Variants in C1orf52 observed in about 807,000 individuals in gnomAD.
C1orf52 encodes chromosome 1 open reading frame 52, also known as UPF0690 protein C1orf52.
In C1orf52, 5 loss-of-function variants were observed where a neutral mutation model predicts 17.2. The observed-to-expected ratio is 0.29, with a 90% confidence interval of 0.15 to 0.61. The LOEUF is 0.61. Ranked by LOEUF, C1orf52 falls within the 20% of genes least tolerant of loss-of-function variation. The pLI is 0.85. For missense variants in C1orf52, 245 were observed against 234.1 expected (o/e 1.05, Z -0.30); for synonymous variants, 110 against 88.0 (o/e 1.25, Z -1.40).
rs566516401 is a variant in C1orf52, at chr1:85,250,385, G to C, written c.*2244C>G. On this transcript the variant is annotated 3_prime_UTR_variant, in exon 3 of 3. Coordinates refer to ENST00000471115, the MANE Select transcript of C1orf52 (RefSeq NM_198077.4). ...TTTTCTTATGTATATGGATTTTTAA[G>C]ACTTTTCCCCACTAGGTTTCCACTA... The C allele has an allele frequency of 2.6e-5, 4 of 152,270 alleles. No individual in the cohort carries two copies. The South Asian group carries it at 8.3e-4, about 32-fold the overall frequency. 9.4% of individuals were successfully genotyped at this position (152,270 alleles called of 1,614,324 possible). A position where few individuals can be genotyped will look rare whatever the true frequency, so the allele number is the denominator to read the frequency against.
At chr1:85,258,818 G>C in intron 1 of C1orf52, 96 bp from the exon 2 acceptor site, 1 of 1,414,326 alleles carries the variant, frequency 7.1e-7, no homozygotes. Flanking sequence ...TTATCGTTCA[G>C]GCTGACTTTT....
Position 85,258,711 on chromosome 1 carries a change from T to C in C1orf52, c.288A>G (p.Glu96=), listed in dbSNP as rs751002257. ...CATAATTTGACTTCCATATTTTGAA[T>C]TCCTTTGGAGGCTGTTAAGCAAGCA... is the stretch of plus-strand genomic sequence containing the variant. ...VVKAPEEPPK[E]FKIWKSNYVP... is the part of the protein sequence containing the mutation. The change falls in exon 2 of 3, where the codon GAA becomes GAG. Residue 96 remains glutamate (E), a synonymous_variant. Coordinates refer to ENST00000471115, the MANE Select transcript of C1orf52 (RefSeq NM_198077.4). 5.6e-6 allele frequency: 9 copies of C among 1,608,824 alleles called. No individual in the cohort carries two copies. The highest frequency in any genetic ancestry group is 7.6e-6 in the Non-Finnish European group (9 of 1,179,360).
Position 85,252,244 on chromosome 1 carries a change from G to C in C1orf52, c.*385C>G, listed in dbSNP as rs1169460585. The C allele has an allele frequency of 5.2e-6, 1 of 190,496 alleles. No individual in the cohort carries two copies. 11.8% of individuals were successfully genotyped at this position (190,496 alleles called of 1,614,324 possible). A position where few individuals can be genotyped will look rare whatever the true frequency, so the allele number is the denominator to read the frequency against. On this transcript the variant is annotated 3_prime_UTR_variant, in exon 3 of 3. Coordinates refer to ENST00000471115, the MANE Select transcript of C1orf52 (RefSeq NM_198077.4). ...CCATGATCTATTTACACTGTACAAA[G>C]ACTGTTGAAAAGCACCCTACAAGTT...
At chr1:85,258,882 A>C in intron 1 of C1orf52, 160 bp from the exon 2 acceptor site, 1 of 1,430,078 alleles carries the variant, frequency 7.0e-7, no homozygotes, top group Non-Finnish European at 9.1e-7. Flanking sequence ...AATACTGTTA[A>C]GTGAAAAGCC....
In C1orf52 at chr1:85,258,730, G is replaced by C; in HGVS notation, c.277-8C>G. The C allele has an allele frequency of 5.6e-6, 9 of 1,598,106 alleles. No homozygotes were observed. The highest frequency in any genetic ancestry group is 7.7e-6 in the Non-Finnish European group (9 of 1,175,540). On this transcript the variant is annotated splice_region_variant and splice_polypyrimidine_tract_variant and intron_variant, in intron 1 of 2. Coordinates refer to ENST00000471115, the MANE Select transcript of C1orf52 (RefSeq NM_198077.4). ...TTTGAATTCCTTTGGAGGCTGTTAA[G>C]CAAGCACATTAAGAAGCACTGTGAC...
rs918757926 is a variant in C1orf52 at position 85,251,521 on chromosome 1, T to G, written c.*1108A>C. ...ACCTTCCCAACTACTTCTTGTTCATTTTATTATTACTATACGCAAAGCATT... is the reference window on the plus strand; with the variant it reads ...ACCTTCCCAACTACTTCTTGTTCATGTTATTATTACTATACGCAAAGCATT... On this transcript the variant is annotated 3_prime_UTR_variant, in exon 3 of 3. Transcript: ENST00000471115. The G allele has an allele frequency of 9.2e-5, 14 of 152,242 alleles. No individual in the cohort carries two copies. Among genetic ancestry groups the G allele is most frequent in the Non-Finnish European group, 2.1e-4 (14 of 68,044 alleles). 9.4% of individuals were successfully genotyped at this position (152,242 alleles called of 1,614,324 possible).
intron 2 of C1orf52, among the ~76,000 whole-genome samples, chr1:85,253,434 T>C (rs1281037951): frequency 1.3e-5 from 2 of 152,090 alleles, no homozygotes; most frequent in African/African-American, 2.4e-5. Flanking sequence ...TATTTTGAGG[T>C]TAAAAAGCAC....
chr1:85,252,646 C>A lies in C1orf52; in HGVS notation c.532G>T (p.Ala178Ser), dbSNP rs1197173286. Reference sequence around the variant, plus strand: ...ATTTGTTTCTACTTTTTCTTCTTTGCTGGTTCTCCTGGCTCTACTTTGCGC... The same window carrying A: ...ATTTGTTTCTACTTTTTCTTCTTTGATGGTTCTCCTGGCTCTACTTTGCGC... ...KKRKVEPGEP[A>S]KKKK The change falls in exon 3 of 3, where the codon GCA becomes TCA. Residue 178 changes from alanine (A) to serine (S), a missense_variant. Physicochemically the swap from Ala to Ser is moderately conservative, Grantham distance 99. Coordinates refer to ENST00000471115, the MANE Select transcript of C1orf52 (RefSeq NM_198077.4). 5 of 1,613,242 alleles carry A rather than the reference C, an allele frequency of 3.1e-6. No individual in the cohort carries two copies. The highest frequency in any genetic ancestry group is 4.2e-6 in the Non-Finnish European group (5 of 1,179,598).
chr1:85,259,180 C>T, intron 1 of C1orf52, 178 bp downstream of exon 1: 2 of 1,132,338 alleles, frequency 1.8e-6, no homozygotes, highest in Non-Finnish European at 2.4e-6. Context: ...CGGTCTAACA[C>T]CCACCAGGCG....
At chr1:85,254,653 A>C (rs1376151235) in intron 2 of C1orf52, among the ~76,000 whole-genome samples, 3 of 152,184 alleles carry the variant, frequency 2.0e-5, no homozygotes, top group Non-Finnish European at 4.4e-5. Context: ...GGCCTCCCAA[A>C]GTGCTGGGAT....
At chr1:85,254,686 C>G (rs1236018893) in intron 2 of C1orf52, among the ~76,000 whole-genome samples, 1 of 152,222 alleles carries the variant, frequency 6.6e-6, no homozygotes. Context: ...CCACCGCACC[C>G]GGCACCTTTT....
chr1:85,258,389 G>T, intron 2 of C1orf52, 135 bp downstream of exon 2: 1 of 846,988 alleles, frequency 1.2e-6, no homozygotes, highest in Non-Finnish European at 1.9e-6. Context: ...CAAAAGCAGA[G>T]CAGTAAGTAT....
chr1:85,259,512 G>A lies in C1orf52; in HGVS notation c.122C>T (p.Pro41Leu). ...CCTACAGCCGCCCGCCGACTTCGCC[G>A]GATCCGGGGTTCTGCGACTCGTCTC... ...PEETSRRTPD[P>L]AKSAGGCRNK... is the part of the protein sequence containing the mutation. The change falls in exon 1 of 3, where the codon CCG becomes CTG. Residue 41 changes from proline to leucine, a missense_variant. Physicochemically the swap from Pro to Leu is moderately conservative, Grantham distance 98. Coordinates refer to ENST00000471115, the MANE Select transcript of C1orf52 (RefSeq NM_198077.4). 3 of 1,613,874 alleles carry A rather than the reference G, an allele frequency of 1.9e-6. No individual in the cohort carries two copies. Among genetic ancestry groups the A allele is most frequent in the Non-Finnish European group, 2.5e-6 (3 of 1,180,014 alleles).
rs1053619705 is a variant in C1orf52, at chr1:85,252,311, T to C, written c.*318A>G. On this transcript the variant is annotated 3_prime_UTR_variant, in exon 3 of 3. Transcript: ENST00000471115. ...ATATTTACTTTAAAAATATATTCCTTTATAAAAGGTTTATAAGAACATTGG... is the reference window on the plus strand; with the variant it reads ...ATATTTACTTTAAAAATATATTCCTCTATAAAAGGTTTATAAGAACATTGG... 3.4e-5 allele frequency: 10 copies of C among 290,532 alleles called. No homozygotes were observed. Among genetic ancestry groups the C allele is most frequent in the Non-Finnish European group, 5.1e-5 (8 of 155,996 alleles). The allele number at this position is 290,532 out of a possible 1,614,324, so 18.0% of individuals were successfully genotyped here.
chr1:85,259,519 G>C lies in C1orf52; in HGVS notation c.115C>G (p.Pro39Ala). 1 of 1,613,906 alleles carries C rather than the reference G, an allele frequency of 6.2e-7. No individual in the cohort carries two copies. Among genetic ancestry groups the C allele is most frequent in the Non-Finnish European group, 8.5e-7 (1 of 1,180,012 alleles). Residue 39 changes from proline (P) to alanine (A), a missense_variant, in exon 1 of 3, where the codon CCG becomes GCG. Pro to Ala is a conservative substitution (Grantham distance 27). Coordinates refer to ENST00000471115, the MANE Select transcript of C1orf52 (RefSeq NM_198077.4). ...CCGCCCGCCGACTTCGCCGGATCCG[G>C]GGTTCTGCGACTCGTCTCCTCCGGC... ...IEPEETSRRTPDPAKSAGGCR... is the reference protein window; with the variant it reads ...IEPEETSRRTADPAKSAGGCR...
rs780128542 is a variant in C1orf52, at chr1:85,258,535, G to A, written c.464C>T (p.Thr155Met). 44 of 1,613,520 alleles carry A rather than the reference G, an allele frequency of 2.7e-5. No homozygotes were observed. The highest frequency in any genetic ancestry group is 1.4e-4 in the South Asian group (13 of 91,026). The change falls in exon 2 of 3, where the codon ACG becomes ATG. Residue 155 changes from threonine (T) to methionine (M), a missense_variant. Physicochemically the swap from Thr to Met is moderately conservative, Grantham distance 81. Transcript: ENST00000471115. ...CTGACTTTCCTTACCTGATTCCAACGTCTCCTCCCCTTCTGGTAGAAGCCT... is the reference window on the plus strand; with the variant it reads ...CTGACTTTCCTTACCTGATTCCAACATCTCCTCCCCTTCTGGTAGAAGCCT... ...KARLLPEGEE[T>M]LESDDEKDEH...
At position 85,251,382 on chromosome 1, in the gene C1orf52, T is replaced by C. The variant is rs1369499584; in HGVS notation, c.*1247A>G. 1 of 152,202 alleles carries C rather than the reference T, an allele frequency of 6.6e-6. No individual in the cohort carries two copies. The highest frequency in any genetic ancestry group is 1.5e-5 in the Non-Finnish European group (1 of 68,034). The allele number at this position is 152,202 out of a possible 1,614,324, so 9.4% of individuals were successfully genotyped here. ...TTCTTATACACTGAATGTGCACTGT[T>C]CTGTAATTCTTATCTCTTAAGGGCT... On this transcript the variant is annotated 3_prime_UTR_variant, in exon 3 of 3. Transcript: ENST00000471115.
intron 2 of C1orf52, among the ~76,000 whole-genome samples, chr1:85,255,020 C>T (rs370062950): frequency 6.6e-6 from 1 of 152,106 alleles, no homozygotes; most frequent in Non-Finnish European, 1.5e-5. Flanking sequence ...ATCAATTTTA[C>T]TGAGCTTTTT....
In C1orf52 at chr1:85,253,952, C is replaced by T. The variant is rs148132255; in HGVS notation, c.476-1250G>A. 7.1e-3 allele frequency among the ~76,000 whole-genome samples: 1,087 copies of T among 152,186 alleles called. 13 individuals are homozygous for T. The highest frequency in any genetic ancestry group is 0.024 in the African/African-American group (998 of 41,530). On this transcript the variant is annotated intron_variant, in intron 2 of 2. Coordinates refer to ENST00000471115, the MANE Select transcript of C1orf52 (RefSeq NM_198077.4). ...TAGCTTTTGACTTTATTTTCTTGAT[C>T]AACAGATACTCAAAAAGTTCAACAG...
Sources: allele counts gnomAD v4.1 joint callset (sites outside exome capture counted in the v4.1 genomes callset), GRCh38; gene constraint gnomAD v4.1.1; transcripts MANE v1.5; gene names NCBI Gene and HGNC (gene_info 2026-07-23, HGNC 2026-07-21).